DHRS4L2: variants seen among roughly 807,000 people sequenced by gnomAD.
DHRS4L2 encodes dehydrogenase/reductase 4 like 2, also known as dehydrogenase/reductase SDR family member 4-like 2.
In DHRS4L2, 22 loss-of-function variants were observed where a neutral mutation model predicts 23.9. The observed-to-expected ratio is 0.92, with a 90% CI of 0.66 to 1.31. The LOEUF is 1.31. Among genes scored for constraint, DHRS4L2 ranks in the 40% most tolerant of loss-of-function variants. DHRS4L2 has a pLI of 0.00. For missense variants in DHRS4L2, 385 were observed against 303.3 expected, an observed-to-expected ratio of 1.27 and a Z score of -2.00; for synonymous variants, 141 against 123.7, an observed-to-expected ratio of 1.14 and a Z score of -0.93.
Position 24,006,098 on chromosome 14 carries a change from G to T in DHRS4L2, c.*235G>T. The T allele has an allele frequency of 6.9e-7, 1 of 1,458,172 alleles. No homozygotes were observed. The highest frequency in any genetic ancestry group is 9.2e-7 in the Non-Finnish European group (1 of 1,091,962). 90.3% of individuals were successfully genotyped at this position (1,458,172 alleles called of 1,614,324 possible). On this transcript the variant is annotated 3_prime_UTR_variant, in exon 8 of 8. Transcript: ENST00000335125. ...CTTTCCCACCTCTGCTCACCTTACTGTTCACCTCATCAAATCAGTTCTGCC... is the reference window on the plus strand; with the variant it reads ...CTTTCCCACCTCTGCTCACCTTACTTTTCACCTCATCAAATCAGTTCTGCC...
chr14:23,969,901 G>A lies in DHRS4L2; in HGVS notation c.-607G>A, dbSNP rs554529796. The A allele has an allele frequency of 4.8e-3, 2,088 of 431,076 alleles. 2 individuals carry two copies. Among genetic ancestry groups the A allele is most frequent in the African/African-American group, 0.039 (1,930 of 49,284 alleles). The allele number at this position is 431,076 out of a possible 1,614,324, so 26.7% of individuals were successfully genotyped here. On this transcript the variant is annotated 5_prime_UTR_variant, in exon 1 of 6. Coordinates refer to the DHRS4L2 transcript ENST00000534993. Reference sequence around the variant, plus strand: ...GCTCAGTCGGGCAGCTCTCCGGGCCGGCGTGGGAGCCCGCGCTCCAAGGCC... The same window carrying A: ...GCTCAGTCGGGCAGCTCTCCGGGCCAGCGTGGGAGCCCGCGCTCCAAGGCC...
chr14:23,986,525 G>A (rs1159584812), upstream of DHRS4L2, among the ~76,000 whole-genome samples: 3 of 149,892 alleles, frequency 2.0e-5, no homozygotes, highest in African/African-American at 7.4e-5. Flanking sequence ...AAAAAAGAAA[G>A]AAAGAAAGAA....
intron 7 of DHRS4L2, 76 bp from the exon 8 acceptor site, chr14:24,005,810 T>A: frequency 6.4e-7 from 1 of 1,572,260 alleles, no homozygotes; most frequent in Non-Finnish European, 8.6e-7. Flanking sequence ...TAAGCAAATT[T>A]AACTCCCCGT....
chr14:23,973,007 C>T (rs766535603), intron 1 of DHRS4L2, among the ~76,000 whole-genome samples: 1 of 151,958 alleles, frequency 6.6e-6, no homozygotes, highest in Non-Finnish European at 1.5e-5. Context: ...GTTTTTCTCT[C>T]ATTTCAGAAT....
intron 3 of DHRS4L2, among the ~76,000 whole-genome samples, chr14:23,998,408 C>T (rs1334301384): frequency 3.3e-5 from 5 of 151,130 alleles, no homozygotes; most frequent in Admixed American, 2.0e-4. Context: ...TCCTCTCTAG[C>T]TATTAAAGCC....
At chr14:23,976,880 C>A (rs941646572) in intron 1 of DHRS4L2, among the ~76,000 whole-genome samples, 6 of 151,714 alleles carry the variant, frequency 4.0e-5, no homozygotes, top group Admixed American at 3.9e-4. Flanking sequence ...TGCATCTTCT[C>A]ACTCATAAGT....
rs536753782 is a variant in DHRS4L2, at chr14:24,005,581, A to C, written c.*23-305A>C. On this transcript the variant is annotated intron_variant, in intron 7 of 7. Coordinates refer to ENST00000335125, the MANE Select transcript of DHRS4L2 (RefSeq NM_198083.4). ...AACCATTTTTTTGAAGTATGAAATA[A>C]TTAATTGCTCACCATTTTATCTATA... Among the ~76,000 whole-genome samples the C allele has an allele frequency of 5.9e-5, 9 of 152,196 alleles. No individual in the cohort carries two copies. The East Asian group carries it at 1.2e-3, about 20-fold the overall frequency.
At chr14:23,990,384 G>A (rs780725091) in intron 2 of DHRS4L2, 25 bp downstream of exon 2, 2 of 1,594,530 alleles carry the variant, frequency 1.3e-6, no homozygotes, top group Admixed American at 3.5e-5. Flanking sequence ...AATGGGCACA[G>A]AGCCAGGAGG....
Position 23,995,133 on chromosome 14 carries a change from G to C in DHRS4L2, c.408G>C (p.Lys136Asn). 6.2e-7 allele frequency: 1 copy of C among 1,612,640 alleles called. No individual in the cohort carries two copies. Among genetic ancestry groups the C allele is most frequent in the South Asian group, 1.1e-5 (1 of 90,946 alleles). ...ATGTCACCGAGGAGGTGTGGGACAAGGTGAGAGGGGATTAAAGAAGCGCGG... is the reference window on the plus strand; with the variant it reads ...ATGTCACCGAGGAGGTGTGGGACAACGTGAGAGGGGATTAAAGAAGCGCGG... The part of the protein sequence containing the change: ...LMDVTEEVWD[K>N]TLDINVKAPA... The change falls in exon 3 of 8, where the codon AAG (lysine) becomes AAC (asparagine). Residue 136 changes from lysine (K) to asparagine (N), a missense_variant and splice_region_variant. Lys to Asn is a moderately conservative substitution (Grantham distance 94, BLOSUM62 0). Transcript: ENST00000335125.
intron 2 of DHRS4L2, among the ~76,000 whole-genome samples, chr14:23,991,712 A>T (rs1216231843): frequency 2.0e-5 from 3 of 150,904 alleles, no homozygotes; most frequent in East Asian, 1.9e-4. Context: ...TGCATTGGAA[A>T]GATAGAGGCC....
At chr14:23,983,427 TTGG>T (rs1480394611) in intron 1 of DHRS4L2, among the ~76,000 whole-genome samples, 3 of 151,708 alleles carry the variant, frequency 2.0e-5, no homozygotes, top group Non-Finnish European at 2.9e-5. Flanking sequence ...TTTTACACTG[TTGG>T]TGGTAGTGTA....
upstream of DHRS4L2, among the ~76,000 whole-genome samples, chr14:23,984,659 G>C (rs2034108263): frequency 6.6e-6 from 1 of 151,020 alleles, no homozygotes; most frequent in Non-Finnish European, 1.5e-5. Flanking sequence ...GCTGAGCGAG[G>C]TGTTGTGCTA....
intron 1 of DHRS4L2, among the ~76,000 whole-genome samples, chr14:23,974,702 G>T (rs568411278): frequency 1.2e-4 from 18 of 151,752 alleles, no homozygotes; most frequent in Non-Finnish European, 2.4e-4. Flanking sequence ...AAATCAGGAC[G>T]AAGTTGAATT....
rs762000184 is a variant in DHRS4L2, at chr14:23,995,075, C to T, written c.350C>T (p.Ala117Val). 5.8e-5 allele frequency: 93 copies of T among 1,612,940 alleles called. 2 individuals carry two copies. The highest frequency in any genetic ancestry group is 1.3e-4 in the South Asian group (12 of 90,960). ...GGTATCGATATCCTAGTCTCCAATG[C>T]TGCTGTCAACCCTTTCTTTGGAAGC... is the stretch of plus-strand genomic sequence containing the variant. ...HGGIDILVSN[A>V]AVNPFFGSLM... Residue 117 changes from alanine to valine, a missense_variant, in exon 3 of 8, where the codon GCT (alanine) becomes GTT (valine). Coordinates refer to ENST00000335125, the MANE Select transcript of DHRS4L2 (RefSeq NM_198083.4).
Position 23,999,360 on chromosome 14 carries a change from A to AC in DHRS4L2, c.409-1503_409-1502insC, listed in dbSNP as rs1354972278. On this transcript the variant is annotated intron_variant, in intron 3 of 7. Transcript: ENST00000335125. Reference sequence around the variant, plus strand: ...TCCAATTTGTAAAAAAAAAAAAAAAAAAAAAAAAAAAAAACAATATCTGCA... The same window carrying AC: ...TCCAATTTGTAAAAAAAAAAAAAAAACAAAAAAAAAAAAAACAATATCTGCA... 4.1e-5 allele frequency among the ~76,000 whole-genome samples: 6 copies of AC among 145,000 alleles called. No individual in the cohort carries two copies. In the East Asian group the frequency reaches 6.0e-4, roughly 14 times the overall value.
chr14:23,987,008 G>C (rs374457313), upstream of DHRS4L2, among the ~76,000 whole-genome samples: 91 of 151,868 alleles, frequency 6.0e-4, 2 homozygotes, highest in African/African-American at 2.2e-3. Flanking sequence ...ATCGGGATGT[G>C]CTGAGTAGCA....
At chr14:23,975,594 T>C (rs1216220633) in intron 1 of DHRS4L2, among the ~76,000 whole-genome samples, 1 of 151,702 alleles carries the variant, frequency 6.6e-6, no homozygotes, top group Non-Finnish European at 1.5e-5. Context: ...AAATTTCATA[T>C]GGAACCAAAA....
At chr14:23,986,343 C>G (rs148843815), upstream of DHRS4L2, among the ~76,000 whole-genome samples, 1 of 151,194 alleles carries the variant, frequency 6.6e-6, no homozygotes, top group African/African-American at 2.4e-5. Context: ...GAACATCACA[C>G]ACTGGGGCCT....
chr14:23,977,270 T>C (rs1227793499), intron 1 of DHRS4L2, among the ~76,000 whole-genome samples: 1 of 151,802 alleles, frequency 6.6e-6, no homozygotes. Flanking sequence ...AATTTAAATA[T>C]TTCCTATTGC....
Sources: gnomAD v4.1 joint callset for allele counts (sites outside exome capture counted in the v4.1 genomes callset) on GRCh38, gnomAD v4.1.1 for gene constraint, MANE v1.5 for transcripts, NCBI Gene and HGNC (gene_info 2026-07-23, HGNC 2026-07-21) for gene names.